Variants in DPF3 observed in about 807,000 individuals in gnomAD.
DPF3 encodes the protein double PHD fingers 3, also known as zinc finger protein DPF3.
Under a neutral mutation model 56.8 loss-of-function variants are expected in DPF3, and 18 were observed. The ratio of observed to expected loss-of-function variants is 0.32; its 90% confidence interval spans 0.22 to 0.47. The LOEUF is 0.47. Ranked by LOEUF, DPF3 falls within the 20% of genes least tolerant of loss-of-function variation. The pLI, the probability that DPF3 is intolerant of heterozygous loss-of-function variation, is 1.00. For missense variants in DPF3, 403 were observed against 488.8 expected (o/e 0.82, Z 1.65); for synonymous variants, 188 against 180.2 (o/e 1.04, Z -0.35).
intron 1 of DPF3, among the ~76,000 whole-genome samples, chr14:72,885,126 A>C (rs1319692955): frequency 7.5e-6 from 1 of 133,694 alleles, no homozygotes; most frequent in Non-Finnish European, 1.6e-5. Flanking sequence ...ACTCCGTCTC[A>C]AAAAAAAAAA....
chr14:72,835,978 C>T (rs923253465), intron 1 of DPF3: 21 of 903,326 alleles, frequency 2.3e-5, no homozygotes, highest in Non-Finnish European at 2.5e-5. Context: ...CAAGATACAC[C>T]CGCCGGAGAC....
intron 1 of DPF3, among the ~76,000 whole-genome samples, chr14:72,793,623 A>G (rs1235278601): frequency 6.6e-6 from 1 of 152,156 alleles, no homozygotes; most frequent in African/African-American, 2.4e-5. Flanking sequence ...TCCAACATCC[A>G]TCCTGAATCA....
intron 2 of DPF3, among the ~76,000 whole-genome samples, chr14:72,765,479 T>C (rs1195122534): frequency 1.3e-5 from 2 of 152,232 alleles, no homozygotes; most frequent in Non-Finnish European, 2.9e-5. Context: ...GCTTGATTTA[T>C]AGTAGTCAAA....
intron 1 of DPF3, among the ~76,000 whole-genome samples, chr14:72,859,401 C>A (rs939916597): frequency 2.6e-5 from 4 of 151,978 alleles, no homozygotes; most frequent in African/African-American, 9.7e-5. Flanking sequence ...GGGTTTCTAC[C>A]ACCCTTGGCT....
Position 72,822,296 on chromosome 14 carries a change from A to T in DPF3, c.33-50403T>A, listed in dbSNP as rs144654327. 7.0e-3 allele frequency among the ~76,000 whole-genome samples: 1,067 copies of T among 152,260 alleles called. 6 individuals are homozygous for T. Among genetic ancestry groups the T allele is most frequent in the African/African-American group, 0.023 (935 of 41,548 alleles). On this transcript the variant is annotated intron_variant, in intron 1 of 10. Transcript: ENST00000556509. ...CTCGGGAGGCTGAGGTGGGAGGATC[A>T]CTTGAACCTGGAAGCCAGTGGAGGT... is the stretch of plus-strand genomic sequence containing the variant.
chr14:72,722,135 T>C lies in DPF3; in HGVS notation c.525+1498A>G, dbSNP rs569905478. 2.6e-5 allele frequency among the ~76,000 whole-genome samples: 4 copies of C among 152,324 alleles called. No individual in the cohort carries two copies. The South Asian group carries it at 8.3e-4, about 32-fold the overall frequency. ...TATCTGTTAAAGACACACACTGAGA[T>C]ATGTGTCAGTTAAATGATAAGATGT... On this transcript the variant is annotated intron_variant, in intron 5 of 10. Coordinates refer to ENST00000556509, the MANE Select transcript of DPF3 (RefSeq NM_001280542.3).
intron 7 of DPF3, among the ~76,000 whole-genome samples, chr14:72,691,970 A>T (rs967448740): frequency 4.9e-4 from 74 of 152,256 alleles, no homozygotes; most frequent in African/African-American, 1.8e-3. Context: ...GCAAACCCAT[A>T]AAGAAGGCAA....
chr14:72,884,087 C>A (rs1886423094), intron 1 of DPF3, among the ~76,000 whole-genome samples: 1 of 152,158 alleles, frequency 6.6e-6, no homozygotes, highest in Non-Finnish European at 1.5e-5. Flanking sequence ...AGCCAGAGAC[C>A]AGGCAAGGAC....
chr14:72,671,489 C>T lies in DPF3; in HGVS notation c.871+2751G>A, dbSNP rs374727286. On this transcript the variant is annotated intron_variant, in intron 8 of 10. Coordinates refer to ENST00000556509, the MANE Select transcript of DPF3 (RefSeq NM_001280542.3). ...ATTAACCCGGTGCATCACCTGGTGA[C>T]GGGGATTTGGGACAAAGCAAACATT... The T allele has an allele frequency of 2.3e-4, 261 of 1,114,922 alleles. 1 individual carries two copies. Among genetic ancestry groups the T allele is most frequent in the Non-Finnish European group, 2.9e-4 (215 of 738,972 alleles). The allele number at this position is 1,114,922 out of a possible 1,614,324, so 69.1% of individuals were successfully genotyped here.
chr14:72,662,577 GA>G lies in DPF3; in HGVS notation c.871+11662del, dbSNP rs923464374. ...AGAAAATATAATGAAGATTTAAAAA[GA>G]AAAAAAAAATCTTCTTATTGCACAA... is the stretch of plus-strand genomic sequence containing the variant. On this transcript the variant is annotated intron_variant, in intron 8 of 10. Coordinates refer to ENST00000556509, the MANE Select transcript of DPF3 (RefSeq NM_001280542.3). The G allele has an allele frequency of 1.9e-3, 1,850 of 976,732 alleles. 36 individuals carry two copies. In the African/African-American group the frequency reaches 0.03, roughly 16 times the overall value. 60.5% of individuals were successfully genotyped at this position (976,732 alleles called of 1,614,324 possible).
Position 72,821,886 on chromosome 14 carries a change from T to C in DPF3, c.33-49993A>G, listed in dbSNP as rs150585857. 1.4e-3 allele frequency among the ~76,000 whole-genome samples: 217 copies of C among 152,068 alleles called. 1 individual carries two copies. The highest frequency in any genetic ancestry group is 4.9e-3 in the African/African-American group (204 of 41,476). On this transcript the variant is annotated intron_variant, in intron 1 of 10. Coordinates refer to ENST00000556509, the MANE Select transcript of DPF3 (RefSeq NM_001280542.3). ...AGCCAGGCACTGTCGTGTGTACCTG[T>C]AGTCCTAGCTACTCAGAAGGCTAAA...
intron 3 of DPF3, among the ~76,000 whole-genome samples, chr14:72,734,005 T>G (rs1889783808): frequency 6.6e-6 from 1 of 152,142 alleles, no homozygotes; most frequent in South Asian, 2.1e-4. Flanking sequence ...CCACTTCCCA[T>G]CAAGGAGCGC....
At chr14:72,703,257 T>C (rs917536354) in intron 6 of DPF3, among the ~76,000 whole-genome samples, 2 of 152,114 alleles carry the variant, frequency 1.3e-5, no homozygotes, top group Non-Finnish European at 2.9e-5. Flanking sequence ...CTGAATTCCT[T>C]TGGATGGAGA....
rs537921225 is a variant in DPF3, at chr14:72,610,778, A to G, written c.*8519T>C. On this transcript the variant is annotated 3_prime_UTR_variant, in exon 11 of 11. Coordinates refer to ENST00000556509, the MANE Select transcript of DPF3 (RefSeq NM_001280542.3). ...TCTTGGGCTCCCAGGTTCATCCCTC[A>G]AGGAGCTGGGGACCTGAGGGCTCAG... 6.6e-6 allele frequency among the ~76,000 whole-genome samples: 1 copy of G among 152,160 alleles called. No homozygotes were observed. Among genetic ancestry groups the G allele is most frequent in the Admixed American group, 6.5e-5 (1 of 15,278 alleles).
At chr14:72,889,774 G>A (rs1420778570) in intron 1 of DPF3, among the ~76,000 whole-genome samples, 1 of 152,214 alleles carries the variant, frequency 6.6e-6, no homozygotes, top group African/African-American at 2.4e-5. Context: ...ACTTGGCTAA[G>A]TAAGTTTATT....
At chr14:72,676,179 G>T (rs367969081) in intron 7 of DPF3, among the ~76,000 whole-genome samples, 1 of 152,100 alleles carries the variant, frequency 6.6e-6, no homozygotes, top group Non-Finnish European at 1.5e-5. Context: ...AGGGGCTGAG[G>T]GTAAACCAAA....
At position 72,670,684 on chromosome 14, in the gene DPF3, C is replaced by T. The variant is rs191841136; in HGVS notation, c.871+3556G>A. On this transcript the variant is annotated intron_variant, in intron 8 of 10. Transcript: ENST00000556509. ...CGCAAAAAAAGTCTGATTCTAATAA[C>T]AGCTAGAATATATAAATAATAATGT... 2.9e-4 allele frequency: 292 copies of T among 992,588 alleles called. 1 individual carries two copies. The highest frequency in any genetic ancestry group is 1.0e-4 in the Non-Finnish European group (84 of 835,908). 61.5% of individuals were successfully genotyped at this position (992,588 alleles called of 1,614,324 possible). A position where few individuals can be genotyped will look rare whatever the true frequency, so the allele number is the denominator to read the frequency against.
intron 1 of DPF3, among the ~76,000 whole-genome samples, chr14:72,801,443 T>C (rs1342094952): frequency 1.3e-5 from 2 of 152,228 alleles, no homozygotes; most frequent in Non-Finnish European, 1.5e-5. Flanking sequence ...GGCATCATCA[T>C]GACCTCAAGG....
intron 1 of DPF3, among the ~76,000 whole-genome samples, chr14:72,869,554 G>T (rs774513899): frequency 1.3e-5 from 2 of 152,078 alleles, no homozygotes; most frequent in Admixed American, 1.3e-4. Context: ...AAATCTTCTC[G>T]ACTGTCACAC....
Sources: gnomAD v4.1 joint callset for allele counts (sites outside exome capture counted in the v4.1 genomes callset) on GRCh38, gnomAD v4.1.1 for gene constraint, MANE v1.5 for transcripts, NCBI Gene and HGNC (gene_info 2026-07-23, HGNC 2026-07-21) for gene names.